The following NETO1 variants were observed in gnomAD, a reference collection of about 807,000 sequenced individuals.
The protein encoded by NETO1 is neuropilin and tolloid like 1.
Under a neutral mutation model 61.3 loss-of-function variants are expected in NETO1, and 26 were observed. The observed-to-expected ratio is 0.42, with a 90% CI of 0.31 to 0.59. NETO1 has a LOEUF of 0.59. Among genes scored for constraint, NETO1 ranks in the 20% least tolerant of loss-of-function variants. The pLI, the probability that NETO1 is intolerant of heterozygous loss-of-function variation, is 0.12. For missense variants in NETO1, 531 were observed against 662.8 expected (o/e 0.80, Z 2.18); for synonymous variants, 225 against 225.8 (o/e 1.00, Z 0.03).
chr18:72,840,510 G>A (rs1486290325), intron 4 of NETO1, among the ~76,000 whole-genome samples: 3 of 152,210 alleles, frequency 2.0e-5, no homozygotes, highest in Non-Finnish European at 4.4e-5. Flanking sequence ...TGAGCAATAG[G>A]AGGGCAATTA....
chr18:72,784,626 G>A (rs2071853070), intron 6 of NETO1, among the ~76,000 whole-genome samples: 1 of 152,178 alleles, frequency 6.6e-6, no homozygotes, highest in Non-Finnish European at 1.5e-5. Flanking sequence ...CTCAGACTCA[G>A]ATGGTATAAA....
chr18:72,748,697 T>C (rs2070489390), intron 10 of NETO1, among the ~76,000 whole-genome samples: 1 of 152,052 alleles, frequency 6.6e-6, no homozygotes, highest in African/African-American at 2.4e-5. Flanking sequence ...TTTTTTCGAG[T>C]ATTTCTTTGG....
chr18:72,801,795 C>T (rs1299059931), intron 4 of NETO1, among the ~76,000 whole-genome samples: 5 of 151,988 alleles, frequency 3.3e-5, no homozygotes, highest in East Asian at 3.9e-4. Context: ...AACAATTATA[C>T]GGCTTAGTAA....
chr18:72,858,774 A>C, intron 4 of NETO1, 52 bp downstream of exon 4: 1 of 1,498,362 alleles, frequency 6.7e-7, no homozygotes, highest in African/African-American at 1.4e-5. Flanking sequence ...TGTACTATGA[A>C]GATAGAAAAA....
intron 7 of NETO1, among the ~76,000 whole-genome samples, chr18:72,775,885 A>C (rs1428463947): frequency 2.0e-5 from 3 of 152,132 alleles, no homozygotes; most frequent in Non-Finnish European, 2.9e-5. Flanking sequence ...AAAATGTGAA[A>C]AATTGAAATA....
chr18:72,759,997 G>A (rs79414298), intron 7 of NETO1, among the ~76,000 whole-genome samples: 1,925 of 152,208 alleles, frequency 0.013, 46 homozygotes, highest in African/African-American at 0.044. Flanking sequence ...TCCCATTGAC[G>A]TTAAAACACT....
intron 6 of NETO1, among the ~76,000 whole-genome samples, chr18:72,792,450 G>T (rs2072154197): frequency 6.6e-6 from 1 of 151,530 alleles, no homozygotes; most frequent in African/African-American, 2.4e-5. Context: ...CAACAAAAAC[G>T]GTGCGGAGGG....
chr18:72,799,535 A>C lies in NETO1; in HGVS notation c.470-5131T>G, dbSNP rs550129254. ...GACTGGACGGCTTTCTTGTTTCCCT[A>C]CCTTGGTCAAAGGTAGGGAATGTGA... is the stretch of plus-strand genomic sequence containing the variant. On this transcript the variant is annotated intron_variant, in intron 4 of 10. Coordinates refer to ENST00000327305, the MANE Select transcript of NETO1 (RefSeq NM_138966.5). Among the ~76,000 whole-genome samples the C allele has an allele frequency of 9.9e-4, 151 of 152,262 alleles. 1 individual carries two copies. The highest frequency in any genetic ancestry group is 6.8e-3 in the Middle Eastern group (2 of 294).
At chr18:72,781,667 C>T (rs8082916) in intron 7 of NETO1, among the ~76,000 whole-genome samples, 63 of 152,234 alleles carry the variant, frequency 4.1e-4, no homozygotes, top group African/African-American at 1.3e-3. Flanking sequence ...ACGATTTATT[C>T]GTTATGCAAA....
chr18:72,763,586 C>A (rs2071051187), intron 7 of NETO1, among the ~76,000 whole-genome samples: 1 of 134,362 alleles, frequency 7.4e-6, no homozygotes, highest in Non-Finnish European at 1.7e-5. Context: ...TCATACACCA[C>A]ACACACACTC....
rs71166423 is a variant in NETO1, at chr18:72,772,793, T to TTCTCTCTC, written c.868+10877_868+10884dup. On this transcript the variant is annotated intron_variant, in intron 7 of 10. Transcript: ENST00000327305. ...TATATATATACAGATCTCTATATAGTTCTCTCTCTCTCTCTCTCTCTCTCT... is the reference window on the plus strand; with the variant it reads ...TATATATATACAGATCTCTATATAGTTCTCTCTCTCTCTCTCTCTCTCTCTCTCTCTCT... Among the ~76,000 whole-genome samples the TTCTCTCTC allele has an allele frequency of 8.8e-4, 52 of 58,932 alleles. 1 individual carries two copies. The highest frequency in any genetic ancestry group is 2.8e-3 in the East Asian group (4 of 1,416). 38.7% of individuals were successfully genotyped at this position (58,932 alleles called of 152,430 possible).
At chr18:72,862,038 C>T (rs1308516100) in intron 3 of NETO1, among the ~76,000 whole-genome samples, 4 of 152,198 alleles carry the variant, frequency 2.6e-5, no homozygotes, top group African/African-American at 9.7e-5. Context: ...TCCTGCCTAA[C>T]TCTCTGGCTT....
At chr18:72,842,853 C>T (rs117747296) in intron 4 of NETO1, among the ~76,000 whole-genome samples, 2,637 of 152,212 alleles carry the variant, frequency 0.017, 36 homozygotes, top group Non-Finnish European at 0.026. Flanking sequence ...ATGCTATAAA[C>T]TAAAATGAAA....
chr18:72,831,920 A>C (rs775803461), intron 4 of NETO1, among the ~76,000 whole-genome samples: 1 of 151,612 alleles, frequency 6.6e-6, no homozygotes, highest in Non-Finnish European at 1.5e-5. Flanking sequence ...AAGTGCTTCA[A>C]TATAAGTGTT....
intron 6 of NETO1, among the ~76,000 whole-genome samples, chr18:72,789,170 A>G (rs80115027): frequency 0.011 from 1,631 of 151,744 alleles, 33 homozygotes; most frequent in African/African-American, 0.038. Flanking sequence ...TGGAGAAGGA[A>G]CCAGAACATC....
chr18:72,821,872 T>A (rs1006825517), intron 4 of NETO1, among the ~76,000 whole-genome samples: 9 of 152,164 alleles, frequency 5.9e-5, no homozygotes, highest in African/African-American at 2.2e-4. Flanking sequence ...AGAATCATAA[T>A]GGGTAAAGCC....
intron 7 of NETO1, among the ~76,000 whole-genome samples, chr18:72,767,198 A>G (rs79020252): frequency 0.011 from 1,628 of 152,322 alleles, 30 homozygotes; most frequent in African/African-American, 0.037. Context: ...AAGCTTAAAA[A>G]TCTGCTAGTT....
chr18:72,764,580 C>T (rs1272944498), intron 7 of NETO1, among the ~76,000 whole-genome samples: 1 of 152,018 alleles, frequency 6.6e-6, no homozygotes, highest in Non-Finnish European at 1.5e-5. Context: ...GACACAGAGC[C>T]CCCACTAACG....
chr18:72,842,254 C>T (rs1425259862), intron 4 of NETO1, among the ~76,000 whole-genome samples: 6 of 151,922 alleles, frequency 3.9e-5, no homozygotes, highest in South Asian at 2.1e-4. Context: ...GACAACACAT[C>T]GATTGAGGGA....
Sources: gnomAD v4.1 joint callset for allele counts (sites outside exome capture counted in the v4.1 genomes callset) on GRCh38, gnomAD v4.1.1 for gene constraint, MANE v1.5 for transcripts, NCBI Gene and HGNC (gene_info 2026-07-23, HGNC 2026-07-21) for gene names.